The following TMTC2 variants were observed in gnomAD, a reference collection of about 807,000 sequenced individuals.
TMTC2 encodes the protein protein O-mannosyl-transferase TMTC2.
A neutral mutation model predicts 82.4 loss-of-function variants in TMTC2; 43 were observed. The observed-to-expected ratio is 0.52, with a 90% CI of 0.41 to 0.67. The LOEUF (loss-of-function observed/expected upper bound fraction) is 0.67. Ranked by LOEUF, TMTC2 falls within the 30% of genes least tolerant of loss-of-function variation. The pLI, the probability that TMTC2 is intolerant of heterozygous loss-of-function variation, is 0.00. For missense variants in TMTC2, 919 were observed against 1,012.4 expected (o/e 0.91, Z 1.25); for synonymous variants, 408 against 381.9 (o/e 1.07, Z -0.80).
At chr12:83,003,703 G>A (rs934070995) in intron 8 of TMTC2, among the ~76,000 whole-genome samples, 3 of 152,112 alleles carry the variant, frequency 2.0e-5, no homozygotes, top group African/African-American at 7.2e-5. Flanking sequence ...GAAATTCTTG[G>A]TTGGAATTTC....
intron 8 of TMTC2, among the ~76,000 whole-genome samples, chr12:83,005,744 G>GCCGGGGTTGCTC (rs1880172110): frequency 6.6e-6 from 1 of 152,164 alleles, no homozygotes; most frequent in Non-Finnish European, 1.5e-5. Flanking sequence ...TTGCTCCCAG[G>GCCGGGGTTGCTC]CCACTAGCAA....
chr12:82,905,720 G>A (rs1288862615), intron 3 of TMTC2, among the ~76,000 whole-genome samples: 1 of 151,880 alleles, frequency 6.6e-6, no homozygotes, highest in African/African-American at 2.4e-5. Flanking sequence ...CGAGGCGGGC[G>A]GATCACCTGA....
rs148211417 is a variant in TMTC2, at chr12:82,985,956, C to G, written c.1980C>G (p.Pro660=). Residue 660 remains proline, a synonymous_variant, in exon 8 of 12, where the codon CCC becomes CCG. Transcript: ENST00000321196. ...GEAYMRLSKL[P]EAEHWYMESL... is the part of the protein sequence containing the mutation. ...CATATATGCGTTTAAGCAAACTCCCCGAAGCAGAGCATTGGTATATGGAAT... is the reference window on the plus strand; with the variant it reads ...CATATATGCGTTTAAGCAAACTCCCGGAAGCAGAGCATTGGTATATGGAAT... 71 of 1,613,852 alleles carry G rather than the reference C, an allele frequency of 4.4e-5. 2 individuals carry two copies. The South Asian group carries it at 6.8e-4, about 15-fold the overall frequency.
chr12:82,782,636 A>C (rs575020420), intron 1 of TMTC2, among the ~76,000 whole-genome samples: 1 of 152,330 alleles, frequency 6.6e-6, no homozygotes, highest in South Asian at 2.1e-4. Flanking sequence ...TTTGAAACAG[A>C]ACTTCTGAGA....
chr12:83,094,863 G>C (rs1235371881), intron 11 of TMTC2, among the ~76,000 whole-genome samples: 1 of 152,176 alleles, frequency 6.6e-6, no homozygotes, highest in Non-Finnish European at 1.5e-5. Context: ...ATGTGTCAAA[G>C]TTGATTATTG....
At chr12:82,793,779 A>G (rs998197116) in intron 1 of TMTC2, among the ~76,000 whole-genome samples, 2 of 152,122 alleles carry the variant, frequency 1.3e-5, no homozygotes, top group Admixed American at 6.6e-5. Flanking sequence ...GTTTTGTTTC[A>G]GTTAGATTTA....
At chr12:82,976,107 C>T (rs1407246803) in intron 7 of TMTC2, among the ~76,000 whole-genome samples, 2 of 152,094 alleles carry the variant, frequency 1.3e-5, no homozygotes, top group Non-Finnish European at 2.9e-5. Flanking sequence ...CACACAATCT[C>T]ACTCTATACT....
intron 8 of TMTC2, among the ~76,000 whole-genome samples, chr12:83,012,023 C>T (rs1880485686): frequency 6.6e-6 from 1 of 152,160 alleles, no homozygotes; most frequent in African/African-American, 2.4e-5. Context: ...CCGTAACACT[C>T]ACTGACACAT....
At chr12:83,046,662 T>A (rs7137994) in intron 9 of TMTC2, among the ~76,000 whole-genome samples, 121,778 of 152,104 alleles carry the variant, frequency 0.8, 48,875 homozygotes, top group East Asian at 0.9. Flanking sequence ...GGCTTGTCTC[T>A]GTCTTGATGG....
chr12:82,688,517 G>T (rs755071686), intron 1 of TMTC2, among the ~76,000 whole-genome samples: 1 of 152,138 alleles, frequency 6.6e-6, no homozygotes, highest in East Asian at 1.9e-4. Context: ...CGTTATTAGT[G>T]TTCAGAAAGT....
chr12:82,816,416 A>AGAAATGGAG (rs1868727090), intron 1 of TMTC2, among the ~76,000 whole-genome samples: 2 of 152,064 alleles, frequency 1.3e-5, no homozygotes, highest in African/African-American at 2.4e-5. Flanking sequence ...CTCCGTTAAC[A>AGAAATGGAG]CTTGTTAATT....
chr12:82,836,417 G>C (rs367578857), intron 1 of TMTC2, among the ~76,000 whole-genome samples: 2 of 152,202 alleles, frequency 1.3e-5, no homozygotes, highest in Non-Finnish European at 2.9e-5. Context: ...AGGCTGGAGA[G>C]TCAGGGTCAA....
chr12:82,908,127 A>G (rs770255298), intron 3 of TMTC2, among the ~76,000 whole-genome samples: 2 of 152,046 alleles, frequency 1.3e-5, no homozygotes, highest in South Asian at 4.1e-4. Context: ...ACAAAAACAA[A>G]AGCCCTAACA....
chr12:82,750,765 G>A (rs144465562), intron 1 of TMTC2, among the ~76,000 whole-genome samples: 1,946 of 152,206 alleles, frequency 0.013, 22 homozygotes, highest in Middle Eastern at 0.031. Flanking sequence ...TATCCCACTA[G>A]AATATAAGCT....
At chr12:83,032,531 T>G (rs559091522) in intron 9 of TMTC2, among the ~76,000 whole-genome samples, 5 of 151,632 alleles carry the variant, frequency 3.3e-5, no homozygotes, top group Admixed American at 1.3e-4. Flanking sequence ...AACAGAAAGT[T>G]CTACAAAAAA....
intron 1 of TMTC2, among the ~76,000 whole-genome samples, chr12:82,691,106 A>G (rs1225158401): frequency 6.6e-6 from 1 of 152,190 alleles, no homozygotes; most frequent in Non-Finnish European, 1.5e-5. Flanking sequence ...CTTTTTATAC[A>G]TCGACAAGTA....
intron 9 of TMTC2, among the ~76,000 whole-genome samples, chr12:83,046,484 AC>A (rs976073301): frequency 3.5e-4 from 54 of 152,144 alleles, no homozygotes; most frequent in Admixed American, 5.2e-4. Flanking sequence ...AAAGCTAGAG[AC>A]TAATGAAAAA....
At chr12:82,883,056 A>C (rs981674787) in intron 2 of TMTC2, among the ~76,000 whole-genome samples, 7 of 55,342 alleles carry the variant, frequency 1.3e-4, no homozygotes, top group Non-Finnish European at 2.4e-4. Flanking sequence ...ACTTGGTCTC[A>C]AAAAAAAAAA....
In TMTC2 at chr12:82,687,613, T is replaced by C; in HGVS notation, c.27T>C (p.Ala9=). 3.1e-6 allele frequency: 5 copies of C among 1,602,650 alleles called. No homozygotes were observed. Among genetic ancestry groups the C allele is most frequent in the Non-Finnish European group, 4.3e-6 (5 of 1,175,958 alleles). The change falls in exon 1 of 12, where the codon GCT becomes GCC. Residue 9 remains alanine (A), a synonymous_variant. Coordinates refer to ENST00000321196, the MANE Select transcript of TMTC2 (RefSeq NM_152588.3). MIAELVSS[A]LGLALYLNTL... ...TGATTGCAGAGTTGGTGAGCAGCGC[T>C]CTGGGGCTCGCCTTGTATCTCAACA... is the stretch of plus-strand genomic sequence containing the variant.
Sources: gnomAD v4.1 joint callset for allele counts (sites outside exome capture counted in the v4.1 genomes callset) on GRCh38, gnomAD v4.1.1 for gene constraint, MANE v1.5 for transcripts, NCBI Gene and HGNC (gene_info 2026-07-23, HGNC 2026-07-21) for gene names.